Variants in SORBS2 observed in about 807,000 individuals in gnomAD.
The protein encoded by SORBS2 is sorbin and SH3 domain-containing protein 2.
A neutral mutation model predicts 97.7 loss-of-function variants in SORBS2; 46 were observed. The observed-to-expected ratio is 0.47, with a 90% CI of 0.37 to 0.60. The LOEUF is 0.60. Among genes scored for constraint, SORBS2 ranks in the 20% least tolerant of loss-of-function variants. The pLI is 0.00. For synonymous variants in SORBS2, 476 were observed against 473.4 expected (o/e 1.01, Z -0.07); for missense variants, 1,316 against 1,282.3 (o/e 1.03, Z -0.40).
chr4:185,837,709 A>G (rs1022856898), intron 1 of SORBS2, among the ~76,000 whole-genome samples: 1 of 152,186 alleles, frequency 6.6e-6, no homozygotes, highest in African/African-American at 2.4e-5. Context: ...TTCCTTTTGC[A>G]AAGCCTATAA....
chr4:185,734,723 G>A (rs2098671467), intron 2 of SORBS2, among the ~76,000 whole-genome samples: 1 of 152,146 alleles, frequency 6.6e-6, no homozygotes, highest in African/African-American at 2.4e-5. Context: ...GGCAAGCAAA[G>A]TCATTTCCAG....
chr4:185,594,943 T>C (rs1032871516), intron 12 of SORBS2, among the ~76,000 whole-genome samples: 5 of 152,232 alleles, frequency 3.3e-5, no homozygotes, highest in African/African-American at 4.8e-5. Context: ...TAGATCCATG[T>C]CCTTAGACTT....
intron 12 of SORBS2, among the ~76,000 whole-genome samples, chr4:185,605,189 G>A (rs905253551): frequency 2.5e-4 from 38 of 152,316 alleles, no homozygotes; most frequent in African/African-American, 7.0e-4. Context: ...GGATAGTAGC[G>A]TAATAGGAAC....
At chr4:185,943,387 T>C (rs1241990267) in intron 1 of SORBS2, among the ~76,000 whole-genome samples, 22 of 152,246 alleles carry the variant, frequency 1.4e-4, no homozygotes, top group Admixed American at 5.9e-4. Flanking sequence ...TCTGATGTCA[T>C]GAAATTGTGT....
intron 1 of SORBS2, among the ~76,000 whole-genome samples, chr4:185,844,578 C>T (rs538517451): frequency 2.4e-3 from 361 of 152,266 alleles, no homozygotes; most frequent in Admixed American, 6.0e-3. Context: ...AAATTAAACA[C>T]AGAATTGTCA....
chr4:185,635,473 A>C, intron 4 of SORBS2, 62 bp from the exon 16 acceptor site: 1 of 1,226,154 alleles, frequency 8.2e-7, no homozygotes, highest in Non-Finnish European at 1.2e-6. Flanking sequence ...AGTCAATGGC[A>C]GCAAGGAATG....
At chr4:185,741,409 T>G (rs552674388) in intron 2 of SORBS2, among the ~76,000 whole-genome samples, 34 of 144,274 alleles carry the variant, frequency 2.4e-4, no homozygotes, top group Admixed American at 8.2e-4. Context: ...TTTTTGTTTT[T>G]TTTTTTTTTT....
intron 4 of SORBS2, among the ~76,000 whole-genome samples, chr4:185,667,646 TATGA>T (rs1489425240): frequency 5.4e-5 from 8 of 148,530 alleles, no homozygotes; most frequent in South Asian, 4.2e-4. Flanking sequence ...TCTTACTTAA[TATGA>T]TTTTTTTTCT....
At chr4:185,938,880 C>T (rs1386529854) in intron 1 of SORBS2, among the ~76,000 whole-genome samples, 2 of 152,168 alleles carry the variant, frequency 1.3e-5, no homozygotes, top group Non-Finnish European at 2.9e-5. Context: ...CCTCTAACTA[C>T]ATTATGTCCG....
chr4:185,936,185 C>G (rs116058240), intron 1 of SORBS2, among the ~76,000 whole-genome samples: 5 of 152,182 alleles, frequency 3.3e-5, no homozygotes, highest in Admixed American at 2.0e-4. Flanking sequence ...TGAGGAGACA[C>G]GTGCTATTCA....
intron 1 of SORBS2, among the ~76,000 whole-genome samples, chr4:185,803,105 T>G (rs2099138189): frequency 6.6e-6 from 1 of 152,172 alleles, no homozygotes; most frequent in Admixed American, 6.5e-5. Context: ...GGTCCTATCC[T>G]TACGCTCCTG....
At position 185,623,734 on chromosome 4, in the gene SORBS2, G is replaced by T; in HGVS notation, c.1395C>A (p.Ser465Arg). Residue 465 changes from serine to arginine, a missense_variant, in exon 7 of 15, where the codon AGC (serine) becomes AGA (arginine). Ser to Arg is a moderately radical substitution (Grantham distance 110). Coordinates refer to ENST00000418609, the Ensembl canonical transcript of SORBS2. This position sits in a 1 kb window ranked among gnomAD's most constrained non-coding sequence, Gnocchi z 6.4. ...CTCGCCGGCCCCGAGCGGGGGGGCC[G>T]CTTTGATTTTCTTCCTCCAGCAAAT... The T allele has an allele frequency of 4.3e-6, 7 of 1,614,038 alleles. No individual in the cohort carries two copies. Among genetic ancestry groups the T allele is most frequent in the Non-Finnish European group, 5.9e-6 (7 of 1,180,024 alleles).
At chr4:185,726,617 T>A (rs2098555981) in intron 2 of SORBS2, among the ~76,000 whole-genome samples, 1 of 150,994 alleles carries the variant, frequency 6.6e-6, no homozygotes, top group Non-Finnish European at 1.5e-5. Flanking sequence ...GATATTTAGA[T>A]GTATAATATA....
intron 1 of SORBS2, among the ~76,000 whole-genome samples, chr4:185,887,397 T>C (rs753682111): frequency 5.3e-5 from 8 of 152,116 alleles, no homozygotes; most frequent in South Asian, 2.1e-4. Flanking sequence ...GTTTGAAGGG[T>C]TGAAAAACTA....
chr4:185,933,031 C>T (rs113320490), intron 1 of SORBS2: 4 of 152,208 alleles, frequency 2.6e-5, no homozygotes, highest in Non-Finnish European at 4.4e-5. Context: ...CATTACAACA[C>T]GGAGAAAACA....
intron 1 of SORBS2, among the ~76,000 whole-genome samples, chr4:185,906,851 C>T (rs775457865): frequency 1.1e-4 from 16 of 152,294 alleles, no homozygotes; most frequent in Non-Finnish European, 2.1e-4. Context: ...AGAGGCCGGG[C>T]GCAGTGCCTC....
At chr4:185,598,907 A>G (rs1456085760) in intron 12 of SORBS2, among the ~76,000 whole-genome samples, 1 of 152,152 alleles carries the variant, frequency 6.6e-6, no homozygotes, top group Non-Finnish European at 1.5e-5. Flanking sequence ...TAAGGGGAAC[A>G]CAAGCATACC....
At position 185,684,763 on chromosome 4, in the gene SORBS2, A is replaced by G. The variant is rs1271248291; in HGVS notation, c.-197-5941T>C. ...GTTAGTGATATTATACCTGCAGCCA[A>G]TAGGTTTGGAGAACTTTGCACTCTC... On this transcript the variant is annotated intron_variant, in intron 2 of 20. Coordinates refer to the SORBS2 transcript ENST00000284776. This position sits in a 1 kb window ranked among gnomAD's most constrained non-coding sequence, Gnocchi z 4.2. 1 of 1,551,136 alleles carries G rather than the reference A, an allele frequency of 6.4e-7. No individual in the cohort carries two copies. The highest frequency in any genetic ancestry group is 1.2e-5 in the South Asian group (1 of 84,018).
chr4:185,624,065 T>C lies in SORBS2; in HGVS notation c.1064A>G (p.Lys355Arg), dbSNP rs758717559. 24 of 1,614,040 alleles carry C rather than the reference T, an allele frequency of 1.5e-5. No individual in the cohort carries two copies. The Middle Eastern group carries it at 4.9e-4, about 33-fold the overall frequency. ...GATGCGGTGCATTTTCTTGTACATC[T>C]TCAGGAACCCCGGGGCGTTGCGGGC... Residue 355 changes from lysine to arginine, a missense_variant, in exon 7 of 15, where the codon AAG becomes AGG. Coordinates refer to ENST00000418609, the Ensembl canonical transcript of SORBS2.
Sources: allele counts gnomAD v4.1 joint callset (sites outside exome capture counted in the v4.1 genomes callset), GRCh38; gene constraint gnomAD v4.1.1; non-coding constraint Gnocchi (gnomAD v3.1); transcripts MANE v1.5; gene names NCBI Gene and HGNC (gene_info 2026-07-23, HGNC 2026-07-21).